Variants in USF2 observed in about 807,000 individuals in gnomAD.
USF2 encodes the protein upstream stimulatory factor 2.
In USF2, 16 loss-of-function variants were observed where a neutral mutation model predicts 46.9. The ratio of observed to expected loss-of-function variants is 0.34; its 90% CI spans 0.23 to 0.52. USF2 has a LOEUF of 0.52. USF2 is among the 20% of genes least tolerant of loss of function. The probability of loss-of-function intolerance (pLI) is 0.96; values close to 1 mark genes in which losing one functional copy is unlikely to be tolerated. For synonymous variants in USF2, 239 were observed against 194.1 expected, an observed-to-expected ratio of 1.23 and a Z score of -1.92; for missense variants, 411 against 474.0, an observed-to-expected ratio of 0.87 and a Z score of 1.23.
At position 35,270,489 on chromosome 19, in the gene USF2, G is replaced by A; in HGVS notation, c.472G>A (p.Ala158Thr). The change falls in exon 5 of 10, where the codon GCC (alanine) becomes ACC (threonine). Residue 158 changes from alanine (A) to threonine (T), a missense_variant. By Grantham distance (58) the Ala-to-Thr change is moderately conservative. This residue lies in a region of USF2 where 318 missense variants were observed against 322.4 expected (regional missense o/e 0.99). Transcript: ENST00000222305. ...CTTCAGCAATGGTGGCAGTCCGGCG[G>A]CCGAGGCTGTCAGCGGGGAGGCACG... Reference protein sequence around the residue: ...NPFSNGGSPAAEAVSGEARFA... With the variant: ...NPFSNGGSPATEAVSGEARFA... 1 of 1,614,060 alleles carries A rather than the reference G, an allele frequency of 6.2e-7. No homozygotes were observed. The highest frequency in any genetic ancestry group is 8.5e-7 in the Non-Finnish European group (1 of 1,180,020).
At chr19:35,272,648 C>T (rs962987856) in intron 7 of USF2, among the ~76,000 whole-genome samples, 23 of 151,766 alleles carry the variant, frequency 1.5e-4, no homozygotes, top group Admixed American at 2.0e-4. Context: ...GAGAAGCCAG[C>T]AGAGGGGTTT....
At chr19:35,272,219 G>A (rs1382263105) in intron 7 of USF2, among the ~76,000 whole-genome samples, 1 of 152,180 alleles carries the variant, frequency 6.6e-6, no homozygotes, top group Non-Finnish European at 1.5e-5. Context: ...GGACAGACAA[G>A]GTCTCAGCTC....
rs1377280857 is a variant in USF2, at chr19:35,270,800, C to T, written c.663C>T (p.Tyr221=). The stretch of plus-strand genomic sequence containing the variant: ...CGATCGCCCCCCGGACACACCCTTA[C>T]TCTCCGTATGTGCAGGGGACACCTG... ...QRTIAPRTHP[Y]SPKIDGTRTP... The change falls in exon 6 of 10, where the codon TAC becomes TAT. Residue 221 remains tyrosine, a synonymous_variant. Coordinates refer to ENST00000222305, the MANE Select transcript of USF2 (RefSeq NM_003367.4). The T allele has an allele frequency of 1.2e-6, 2 of 1,614,148 alleles. No homozygotes were observed. The highest frequency in any genetic ancestry group is 3.3e-5 in the Admixed American group (2 of 60,030).
chr19:35,278,696 A>G lies in USF2; in HGVS notation c.728-2A>G. 1 of 1,613,976 alleles carries G rather than the reference A, an allele frequency of 6.2e-7. No homozygotes were observed. Among genetic ancestry groups the G allele is most frequent in the Non-Finnish European group, 8.5e-7 (1 of 1,179,916 alleles). Reference sequence around the variant, plus strand: ...CCGTGGCTGTGACTCTGTTTTCCGCAGTGGAGCGGAGGCGGAGGGACAAGA... The same window carrying G: ...CCGTGGCTGTGACTCTGTTTTCCGCGGTGGAGCGGAGGCGGAGGGACAAGA... On this transcript the variant is annotated splice_acceptor_variant, in intron 7 of 9. Transcript: ENST00000222305. LOFTEE classifies it high-confidence loss of function.
At chr19:35,273,668 A>G (rs1486000855) in intron 7 of USF2, among the ~76,000 whole-genome samples, 1 of 152,046 alleles carries the variant, frequency 6.6e-6, no homozygotes, top group Non-Finnish European at 1.5e-5. Flanking sequence ...AGCGATCCTC[A>G]CACCTCAGGC....
intron 5 of USF2, 31 bp downstream of exon 5, chr19:35,270,628 G>A (rs768483961): frequency 1.9e-6 from 3 of 1,611,584 alleles, no homozygotes; most frequent in Non-Finnish European, 2.5e-6. Flanking sequence ...TGGCAGGTGG[G>A]GGAGGCAACG....
chr19:35,274,359 G>C (rs747526153), intron 7 of USF2, among the ~76,000 whole-genome samples: 1 of 152,196 alleles, frequency 6.6e-6, no homozygotes, highest in Admixed American at 6.5e-5. Context: ...TTTCTCTTCT[G>C]TGGTGATTTC....
At position 35,279,261 on chromosome 19, in the gene USF2, C is replaced by T. The variant is rs377343427; in HGVS notation, c.*5C>T. 28 of 1,516,072 alleles carry T rather than the reference C, an allele frequency of 1.8e-5. No individual in the cohort carries two copies. Among genetic ancestry groups the T allele is most frequent in the Middle Eastern group, 2.0e-4 (1 of 5,026 alleles). The allele number at this position is 1,516,072 out of a possible 1,614,324, so 93.9% of individuals were successfully genotyped here. A position where few individuals can be genotyped will look rare whatever the true frequency, so the allele number is the denominator to read the frequency against. On this transcript the variant is annotated 3_prime_UTR_variant, in exon 10 of 10. Coordinates refer to ENST00000222305, the MANE Select transcript of USF2 (RefSeq NM_003367.4). ...GGCGAGGGCACCCGGCAGTGACGCC[C>T]GCCACCACCACGCAGCCGCCGCCGC... is the stretch of plus-strand genomic sequence containing the variant.
At chr19:35,270,108 T>C in intron 4 of USF2, 105 bp downstream of exon 4, 1 of 1,255,342 alleles carries the variant, frequency 8.0e-7, no homozygotes, top group Non-Finnish European at 1.0e-6. Flanking sequence ...GCCCAGCGGA[T>C]GCTGCCTTCA....
At chr19:35,277,946 A>G (rs1453256796) in intron 7 of USF2, 1 of 152,288 alleles carries the variant, frequency 6.6e-6, no homozygotes, top group Non-Finnish European at 1.5e-5. Context: ...CAGCTGACAC[A>G]GTTGGCATGA....
intron 5 of USF2, 40 bp downstream of exon 5, chr19:35,270,637 C>T (rs1326199860): frequency 3.1e-6 from 5 of 1,610,688 alleles, no homozygotes; most frequent in Non-Finnish European, 4.2e-6. Flanking sequence ...GGGGAGGCAA[C>T]GGGCCCAGCA....
In USF2 at chr19:35,269,839, C is replaced by G. The variant is rs749804522; in HGVS notation, c.265C>G (p.Leu89Val). 5 of 1,448,248 alleles carry G rather than the reference C, an allele frequency of 3.5e-6. No homozygotes were observed. The African/African-American group carries it at 6.0e-5, about 18-fold the overall frequency. 89.7% of individuals were successfully genotyped at this position (1,448,248 alleles called of 1,614,324 possible). ...CGTAGTCCAGGTGACTGATGGTCAG[C>G]TGGACGGCCAGGGCGACACAGCTGG... The part of the protein sequence containing the change: ...YRVVQVTDGQ[L>V]DGQGDTAGAV... The change falls in exon 4 of 10, where the codon CTG becomes GTG. Residue 89 changes from leucine (L) to valine (V), a missense_variant. Coordinates refer to ENST00000222305, the MANE Select transcript of USF2 (RefSeq NM_003367.4).
chr19:35,269,815 G>T lies in USF2; in HGVS notation c.241G>T (p.Val81Leu), dbSNP rs1183366311. The change falls in exon 4 of 10, where the codon GTA (valine) becomes TTA (leucine). Residue 81 changes from valine (V) to leucine (L), a missense_variant. Val to Leu is a conservative substitution (Grantham distance 32, BLOSUM62 1). Coordinates refer to ENST00000222305, the MANE Select transcript of USF2 (RefSeq NM_003367.4). ...ETNGGQVTYR[V>L]VQVTDGQLDG... Reference sequence around the variant, plus strand: ...CCGCCCCCTGCAGGTGACATACCGCGTAGTCCAGGTGACTGATGGTCAGCT... The same window carrying T: ...CCGCCCCCTGCAGGTGACATACCGCTTAGTCCAGGTGACTGATGGTCAGCT... 6.7e-7 allele frequency: 1 copy of T among 1,488,934 alleles called. No individual in the cohort carries two copies. Among genetic ancestry groups the T allele is most frequent in the South Asian group, 1.3e-5 (1 of 76,952 alleles). 92.2% of individuals were successfully genotyped at this position (1,488,934 alleles called of 1,614,324 possible). A position where few individuals can be genotyped will look rare whatever the true frequency, so the allele number is the denominator to read the frequency against.
chr19:35,270,157 C>A, intron 4 of USF2, 154 bp downstream of exon 4: 2 of 1,016,426 alleles, frequency 2.0e-6, no homozygotes, highest in African/African-American at 3.3e-5. Context: ...TGTTGTGCAC[C>A]GTGAAACCTG....
At chr19:35,270,153 G>T in intron 4 of USF2, 150 bp downstream of exon 4, 1 of 1,041,222 alleles carries the variant, frequency 9.6e-7, no homozygotes, top group South Asian at 2.0e-5. Context: ...TCCCTGTTGT[G>T]CACCGTGAAA....
Position 35,269,879 on chromosome 19 carries a change from T to A in USF2, c.305T>A (p.Val102Glu), listed in dbSNP as rs2066122467. 2.8e-6 allele frequency: 4 copies of A among 1,412,784 alleles called. No individual in the cohort carries two copies. The East Asian group carries it at 1.2e-4, about 42-fold the overall frequency. 87.5% of individuals were successfully genotyped at this position (1,412,784 alleles called of 1,614,324 possible). A position where few individuals can be genotyped will look rare whatever the true frequency, so the allele number is the denominator to read the frequency against. ...QGDTAGAVSV[V>E]STAAFAGGQQ... ...GACACAGCTGGCGCCGTCAGCGTCG[T>A]GTCCACCGCTGCCTTCGCGGGGGGG... The change falls in exon 4 of 10, where the codon GTG (valine) becomes GAG (glutamate). Residue 102 changes from valine to glutamate, a missense_variant. Physicochemically the swap from Val to Glu is moderately radical, Grantham distance 121 (BLOSUM62 -2). This residue lies in a region of USF2 where 318 missense variants were observed against 322.4 expected (regional missense o/e 0.99). Coordinates refer to ENST00000222305, the MANE Select transcript of USF2 (RefSeq NM_003367.4).
intron 7 of USF2, among the ~76,000 whole-genome samples, chr19:35,273,154 GCTCCGTC>G (rs2066182269): frequency 6.6e-6 from 1 of 151,986 alleles, no homozygotes. Flanking sequence ...CACTTCTCCA[GCTCCGTC>G]CTGTCTCCGC....
Position 35,269,907 on chromosome 19 carries a change from G to A in USF2, c.333G>A (p.Gln111=). 7.2e-7 allele frequency: 1 copy of A among 1,382,998 alleles called. No individual in the cohort carries two copies. Among genetic ancestry groups the A allele is most frequent in the Non-Finnish European group, 9.3e-7 (1 of 1,077,128 alleles). 85.7% of individuals were successfully genotyped at this position (1,382,998 alleles called of 1,614,324 possible). The part of the protein sequence containing the change: ...VVSTAAFAGG[Q]QAVTQVGVDG... ...CCACCGCTGCCTTCGCGGGGGGGCA[G>A]CAGGCTGTGACCCAGGTGGGTGTGG... The change falls in exon 4 of 10, where the codon CAG becomes CAA. Residue 111 remains glutamine (Q), a synonymous_variant. Transcript: ENST00000222305.
At chr19:35,272,786 G>C (rs2066175463) in intron 7 of USF2, among the ~76,000 whole-genome samples, 1 of 152,052 alleles carries the variant, frequency 6.6e-6, no homozygotes, top group African/African-American at 2.4e-5. Context: ...TGGAGAATAA[G>C]GGTTTCGTGC....
Sources: gnomAD v4.1 joint callset for allele counts (sites outside exome capture counted in the v4.1 genomes callset) on GRCh38, gnomAD v4.1.1 for gene constraint, gnomAD v4.1.1 regional missense constraint, MANE v1.5 for transcripts, NCBI Gene and HGNC (gene_info 2026-07-23, HGNC 2026-07-21) for gene names.